SLC25A21: variants seen among roughly 807,000 people sequenced by gnomAD.
SLC25A21 encodes the protein solute carrier family 25 member 21.
SLC25A21 carries 47 observed loss-of-function variants against 43.8 expected under a neutral mutation model. That is an observed-to-expected ratio of 1.07 (90% CI 0.85 to 1.37). The LOEUF (loss-of-function observed/expected upper bound fraction) is 1.37, where lower values mean the gene tolerates loss of function less well. SLC25A21 is among the 40% of genes most tolerant of loss of function. SLC25A21 has a pLI of 0.00. For synonymous variants in SLC25A21, 131 were observed against 121.3 expected, an observed-to-expected ratio of 1.08 and a Z score of -0.52; for missense variants, 352 against 350.2, an observed-to-expected ratio of 1.00 and a Z score of -0.04.
At chr14:36,865,323 C>T (rs929044513) in intron 2 of SLC25A21, among the ~76,000 whole-genome samples, 3 of 152,104 alleles carry the variant, frequency 2.0e-5, no homozygotes, top group African/African-American at 7.2e-5. Flanking sequence ...ATTTTCACCC[C>T]TCAGAGCCAT....
chr14:37,089,007 T>G (rs1241946930), intron 1 of SLC25A21, among the ~76,000 whole-genome samples: 1 of 152,214 alleles, frequency 6.6e-6, no homozygotes, highest in African/African-American at 2.4e-5. Flanking sequence ...CCATAATGTA[T>G]ACAGAGTCTC....
At chr14:37,032,438 A>G (rs908644747) in intron 1 of SLC25A21, among the ~76,000 whole-genome samples, 18 of 152,258 alleles carry the variant, frequency 1.2e-4, no homozygotes, top group Non-Finnish European at 1.8e-4. Flanking sequence ...CGGGAGGCTG[A>G]GGCAGGAGAA....
intron 3 of SLC25A21, among the ~76,000 whole-genome samples, chr14:36,784,933 A>G (rs901355618): frequency 2.0e-5 from 3 of 152,234 alleles, no homozygotes; most frequent in Admixed American, 1.3e-4. Context: ...AAGAATTGCA[A>G]CATTAGAACT....
At chr14:36,840,834 T>C (rs774397127) in intron 2 of SLC25A21, among the ~76,000 whole-genome samples, 4 of 152,194 alleles carry the variant, frequency 2.6e-5, no homozygotes, top group Non-Finnish European at 5.9e-5. Context: ...GAAATAAGAA[T>C]GCATGGGACA....
At position 36,764,002 on chromosome 14, in the gene SLC25A21, C is replaced by T. The variant is rs1886262764; in HGVS notation, c.204-29429G>A. Among the ~76,000 whole-genome samples, 3 of 140,698 alleles carry T rather than the reference C, an allele frequency of 2.1e-5. No individual in the cohort carries two copies. In the Admixed American group the frequency reaches 2.3e-4, roughly 11 times the overall value. 92.3% of individuals were successfully genotyped at this position (140,698 alleles called of 152,430 possible). On this transcript the variant is annotated intron_variant, in intron 3 of 9. Transcript: ENST00000331299. Reference sequence around the variant, plus strand: ...GGAGATCGTGCCACTGCACTCTAGCCTGGGTGACAGAGCAAGACTCTGTGA... The same window carrying T: ...GGAGATCGTGCCACTGCACTCTAGCTTGGGTGACAGAGCAAGACTCTGTGA...
chr14:37,146,279 G>A (rs188286162), intron 1 of SLC25A21, among the ~76,000 whole-genome samples: 14 of 152,046 alleles, frequency 9.2e-5, no homozygotes, highest in African/African-American at 2.9e-4. Flanking sequence ...AGTTTCTTTT[G>A]TGTGTGTGTG....
chr14:36,876,928 G>GATAT (rs148662571), intron 1 of SLC25A21, among the ~76,000 whole-genome samples: 1 of 75,916 alleles, frequency 1.3e-5, no homozygotes, highest in Non-Finnish European at 3.6e-5. Flanking sequence ...TAGATAGATA[G>GATAT]ATAGATAGAT....
chr14:37,162,584 C>T (rs141572549), intron 1 of SLC25A21, among the ~76,000 whole-genome samples: 6,626 of 152,226 alleles, frequency 0.044, 285 homozygotes, highest in Admixed American at 0.1. Context: ...ATCAAAACCA[C>T]AATGAGATAC....
chr14:36,925,882 T>C (rs1892118459), intron 1 of SLC25A21, among the ~76,000 whole-genome samples: 1 of 151,776 alleles, frequency 6.6e-6, no homozygotes, highest in African/African-American at 2.4e-5. Flanking sequence ...AGCTTCAAAA[T>C]ACATGAAGCA....
At chr14:36,707,405 A>G (rs1456933152) in intron 7 of SLC25A21, among the ~76,000 whole-genome samples, 3 of 152,182 alleles carry the variant, frequency 2.0e-5, no homozygotes, top group Non-Finnish European at 4.4e-5. Context: ...ATATGGGTTC[A>G]ATGATGACTG....
intron 2 of SLC25A21, among the ~76,000 whole-genome samples, chr14:36,823,901 T>C (rs1257934653): frequency 6.6e-6 from 1 of 152,164 alleles, no homozygotes; most frequent in African/African-American, 2.4e-5. Context: ...TAGCTCATTG[T>C]TCAGGATGGG....
rs1391786231 is a variant in SLC25A21 at position 37,115,331 on chromosome 14, C to T, written c.70+56950G>A. On this transcript the variant is annotated intron_variant, in intron 1 of 9. Coordinates refer to ENST00000331299, the MANE Select transcript of SLC25A21 (RefSeq NM_030631.4). ...GGGCCCTGTCAGTTCTCCTGCTCTG[C>T]ATCACTAGTTTGCAGAAGAGTCTGA... Among the ~76,000 whole-genome samples, 7 of 152,254 alleles carry T rather than the reference C, an allele frequency of 4.6e-5. No individual in the cohort carries two copies. In the South Asian group the frequency reaches 8.3e-4, roughly 18 times the overall value.
At chr14:37,074,641 G>A (rs1160678175) in intron 1 of SLC25A21, among the ~76,000 whole-genome samples, 1 of 152,034 alleles carries the variant, frequency 6.6e-6, no homozygotes, top group East Asian at 1.9e-4. Context: ...AGACCAGCCT[G>A]GCCAACATAG....
chr14:36,839,171 T>A (rs1889303086), intron 2 of SLC25A21, among the ~76,000 whole-genome samples: 1 of 152,232 alleles, frequency 6.6e-6, no homozygotes, highest in Admixed American at 6.5e-5. Context: ...TTACAGTCAA[T>A]TATGACAGAC....
chr14:36,788,495 A>G (rs1566614259), intron 3 of SLC25A21: 1 of 148,246 alleles, frequency 6.7e-6, no homozygotes, highest in Non-Finnish European at 1.5e-5. Flanking sequence ...TCCATAGCCC[A>G]CCCCCTTTAC....
intron 1 of SLC25A21, among the ~76,000 whole-genome samples, chr14:37,163,135 C>G (rs149274064): frequency 0.052 from 6,905 of 132,242 alleles, 322 homozygotes; most frequent in Admixed American, 0.13. Context: ...ACTCTGGGGA[C>G]AGTTGTGGGG....
chr14:36,702,049 T>A (rs909894089), intron 7 of SLC25A21, among the ~76,000 whole-genome samples: 1 of 152,224 alleles, frequency 6.6e-6, no homozygotes, highest in Non-Finnish European at 1.5e-5. Flanking sequence ...GTTCCACTTA[T>A]GTAATATGTC....
chr14:37,057,530 T>A (rs913135213), intron 1 of SLC25A21, among the ~76,000 whole-genome samples: 3 of 152,192 alleles, frequency 2.0e-5, no homozygotes, highest in Non-Finnish European at 4.4e-5. Flanking sequence ...ATTCTCCCAG[T>A]TAAATCATTA....
At chr14:36,930,931 C>T (rs1892269444) in intron 1 of SLC25A21, among the ~76,000 whole-genome samples, 1 of 152,108 alleles carries the variant, frequency 6.6e-6, no homozygotes, top group African/African-American at 2.4e-5. Flanking sequence ...CAACACCCAT[C>T]CCCCTGCTTC....
Sources: gnomAD v4.1 joint callset for allele counts (sites outside exome capture counted in the v4.1 genomes callset) on GRCh38, gnomAD v4.1.1 for gene constraint, MANE v1.5 for transcripts, NCBI Gene and HGNC (gene_info 2026-07-23, HGNC 2026-07-21) for gene names.